CCDC178: variants seen among roughly 807,000 people sequenced by gnomAD.
The protein encoded by CCDC178 is coiled-coil domain containing 178.
Under a neutral mutation model 117.4 loss-of-function variants are expected in CCDC178, and 126 were observed. The ratio of observed to expected loss-of-function variants is 1.07; its 90% CI spans 0.93 to 1.24. The LOEUF is 1.24. Among genes scored for constraint, CCDC178 ranks in the 50% most tolerant of loss-of-function variants. The pLI is 0.00. For missense variants in CCDC178, 1,030 were observed against 986.9 expected (o/e 1.04, Z -0.59); for synonymous variants, 283 against 313.4 (o/e 0.90, Z 1.02).
intron 10 of CCDC178, among the ~76,000 whole-genome samples, chr18:33,324,014 C>A (rs2062552763): frequency 6.6e-6 from 1 of 151,800 alleles, no homozygotes; most frequent in South Asian, 2.1e-4. Context: ...TAGGTTGGTG[C>A]AAAAGTAATT....
intron 20 of CCDC178, among the ~76,000 whole-genome samples, chr18:33,135,219 G>C (rs921537914): frequency 2.6e-5 from 4 of 152,050 alleles, no homozygotes; most frequent in Non-Finnish European, 5.9e-5. Flanking sequence ...CACAGTGAAA[G>C]TTAAACTTGG....
chr18:33,316,307 C>A (rs749237884), intron 11 of CCDC178, among the ~76,000 whole-genome samples: 24 of 152,302 alleles, frequency 1.6e-4, no homozygotes, highest in Admixed American at 6.5e-4. Context: ...GCTGGGAGGG[C>A]CCCACACTCG....
At chr18:33,161,227 A>C (rs1052347608) in intron 20 of CCDC178, among the ~76,000 whole-genome samples, 8 of 152,166 alleles carry the variant, frequency 5.3e-5, no homozygotes, top group Non-Finnish European at 2.9e-5. Context: ...AGATCTGCTT[A>C]GGAAATGCTT....
chr18:32,954,382 T>G (rs1008161217), intron 22 of CCDC178: 4 of 152,124 alleles, frequency 2.6e-5, no homozygotes, highest in Admixed American at 2.6e-4. Flanking sequence ...CATATACACA[T>G]GTTGTAGGTA....
chr18:33,293,090 C>CA, intron 12 of CCDC178, 69 bp downstream of exon 12: 2 of 1,117,686 alleles, frequency 1.8e-6, no homozygotes, highest in Non-Finnish European at 2.5e-6. Flanking sequence ...TAATTATTGA[C>CA]AAAAAAGTTT....
At chr18:32,961,749 G>C (rs970816759) in intron 22 of CCDC178, among the ~76,000 whole-genome samples, 1 of 152,084 alleles carries the variant, frequency 6.6e-6, no homozygotes, top group Admixed American at 6.6e-5. Context: ...TCTGACAGGA[G>C]GCGGAGCTGT....
chr18:33,198,434 T>C (rs1485958518), intron 20 of CCDC178, among the ~76,000 whole-genome samples: 2 of 152,188 alleles, frequency 1.3e-5, no homozygotes, highest in Non-Finnish European at 2.9e-5. Flanking sequence ...AGCTATCTCA[T>C]TTATGCAACA....
At chr18:33,240,281 G>C (rs1425064454) in intron 15 of CCDC178, among the ~76,000 whole-genome samples, 2 of 151,520 alleles carry the variant, frequency 1.3e-5, no homozygotes, top group East Asian at 3.9e-4. Flanking sequence ...ACACTACTTA[G>C]AAAGATTTGA....
At chr18:33,309,703 T>G (rs1226632514) in intron 11 of CCDC178, among the ~76,000 whole-genome samples, 1 of 152,108 alleles carries the variant, frequency 6.6e-6, no homozygotes, top group African/African-American at 2.4e-5. Flanking sequence ...AATCTATAGT[T>G]CTGTAAGTTG....
rs146489324 is a variant in CCDC178, at chr18:33,221,514, T to C, written c.1932+1592A>G. ...CTGGGCGGAAAGGCAAAGAGGTATG[T>C]ATAAGGAGCGTCCCTTGGGAGTGAT... On this transcript the variant is annotated intron_variant, in intron 18 of 22. Coordinates refer to ENST00000383096, the MANE Select transcript of CCDC178 (RefSeq NM_001105528.4). 2.6e-5 allele frequency among the ~76,000 whole-genome samples: 4 copies of C among 152,214 alleles called. No individual in the cohort carries two copies. In the East Asian group the frequency reaches 7.7e-4, roughly 29 times the overall value.
chr18:33,098,107 T>C (rs568905921), intron 20 of CCDC178, among the ~76,000 whole-genome samples: 5 of 152,222 alleles, frequency 3.3e-5, no homozygotes, highest in Non-Finnish European at 2.9e-5. Context: ...ATTTGAACTG[T>C]TATTTTTAAA....
intron 18 of CCDC178, among the ~76,000 whole-genome samples, chr18:33,222,815 C>T (rs2059253069): frequency 1.3e-5 from 2 of 151,748 alleles, no homozygotes; most frequent in African/African-American, 4.8e-5. Flanking sequence ...ATGGCCATCA[C>T]AGAAAGCAGT....
intron 1 of CCDC178, 100 bp downstream of exon 1, chr18:33,440,553 A>G (rs1047275875): frequency 1.3e-5 from 2 of 151,264 alleles, no homozygotes; most frequent in African/African-American, 4.9e-5. Flanking sequence ...CTCCCGCGGG[A>G]GTCGCGCAGG....
chr18:33,403,750 A>G (rs997156705), intron 3 of CCDC178, among the ~76,000 whole-genome samples: 5 of 152,140 alleles, frequency 3.3e-5, no homozygotes, highest in Admixed American at 3.3e-4. Context: ...GGAGCCAAAA[A>G]TGGGTAGAGA....
At chr18:33,266,094 A>T (rs28374541) in intron 14 of CCDC178, among the ~76,000 whole-genome samples, 10,235 of 152,096 alleles carry the variant, frequency 0.067, 515 homozygotes, top group African/African-American at 0.14. Flanking sequence ...AAGATCCTCC[A>T]TATCTGCAAG....
chr18:33,418,025 G>A (rs561124209), intron 2 of CCDC178, among the ~76,000 whole-genome samples: 1 of 152,164 alleles, frequency 6.6e-6, no homozygotes, highest in South Asian at 2.1e-4. Flanking sequence ...ACCAAAATCT[G>A]GCAGAGACAC....
intron 22 of CCDC178, among the ~76,000 whole-genome samples, chr18:32,952,744 C>T (rs2054515048): frequency 6.6e-6 from 1 of 151,682 alleles, no homozygotes; most frequent in Non-Finnish European, 1.5e-5. Flanking sequence ...TATTTTCTAC[C>T]ACATTGTCAG....
intron 6 of CCDC178, among the ~76,000 whole-genome samples, chr18:33,356,558 C>A (rs1408561864): frequency 6.6e-6 from 1 of 151,582 alleles, no homozygotes; most frequent in African/African-American, 2.4e-5. Flanking sequence ...CCAAGGGGAC[C>A]CCAAAGAAAC....
intron 7 of CCDC178, among the ~76,000 whole-genome samples, chr18:33,351,723 G>GT (rs2062982883): frequency 6.6e-6 from 1 of 151,598 alleles, no homozygotes; most frequent in Non-Finnish European, 1.5e-5. Flanking sequence ...TTTCATTGTT[G>GT]TTGTTTGTTT....
Sources: gnomAD v4.1 joint callset for allele counts (sites outside exome capture counted in the v4.1 genomes callset) on GRCh38, gnomAD v4.1.1 for gene constraint, MANE v1.5 for transcripts, NCBI Gene and HGNC (gene_info 2026-07-23, HGNC 2026-07-21) for gene names.